The following HDAC9 variants were observed in gnomAD, a reference collection of about 807,000 sequenced individuals.
HDAC9 encodes the protein histone deacetylase 9, also known as MEF-2 interacting transcription repressor (MITR) protein.
A neutral mutation model predicts 139.4 loss-of-function variants in HDAC9; 41 were observed. The ratio of observed to expected loss-of-function variants is 0.29; its 90% CI spans 0.23 to 0.38. HDAC9 has a LOEUF of 0.38. Among genes scored for constraint, HDAC9 ranks in the 10% least tolerant of loss-of-function variants. The pLI is 1.00. For missense variants in HDAC9, 1,147 were observed against 1,297.0 expected (o/e 0.88, Z 1.78); for synonymous variants, 517 against 476.2 (o/e 1.09, Z -1.12).
At chr7:18,113,088 C>G (rs76702450) in intron 1 of HDAC9, among the ~76,000 whole-genome samples, 2,065 of 152,192 alleles carry the variant, frequency 0.014, 44 homozygotes, top group African/African-American at 0.047. Context: ...GGAAGGACCC[C>G]TATTCCTGTA....
chr7:18,425,625 A>G (rs924724774), intron 1 of HDAC9, among the ~76,000 whole-genome samples: 2 of 152,208 alleles, frequency 1.3e-5, no homozygotes, highest in Non-Finnish European at 2.9e-5. Flanking sequence ...AGTTAATACT[A>G]AATTACCAGT....
chr7:18,603,831 CAAT>C (rs552606133), intron 6 of HDAC9, among the ~76,000 whole-genome samples: 1 of 152,070 alleles, frequency 6.6e-6, no homozygotes, highest in Non-Finnish European at 1.5e-5. Flanking sequence ...GGCCTACAGG[CAAT>C]AAATGTCCTT....
At chr7:18,477,055 T>C (rs533392465) in intron 1 of HDAC9, among the ~76,000 whole-genome samples, 5 of 152,278 alleles carry the variant, frequency 3.3e-5, no homozygotes, top group Admixed American at 3.3e-4. Context: ...CTGAACACCC[T>C]CTCCTCAAAG....
chr7:18,734,316 G>T (rs900207159), intron 13 of HDAC9, among the ~76,000 whole-genome samples: 3 of 152,208 alleles, frequency 2.0e-5, no homozygotes, highest in East Asian at 1.9e-4. Context: ...TGCCATGTTG[G>T]TTTGCCGTAC....
intron 1 of HDAC9, among the ~76,000 whole-genome samples, chr7:18,149,505 A>T (rs1278580605): frequency 2.7e-5 from 4 of 150,418 alleles, no homozygotes; most frequent in African/African-American, 9.7e-5. Context: ...ACAGGCACGT[A>T]CCACCATGCA....
rs141483714 is a variant in HDAC9 at position 18,710,282 on chromosome 7, C to G, written c.1732-17298C>G. On this transcript the variant is annotated intron_variant, in intron 12 of 25. Coordinates refer to ENST00000686413, the MANE Select transcript of HDAC9 (RefSeq NM_178425.4). ...ATTCAAGGTGAGATTTGGGTGGGGA[C>G]ACAGCTAAACCATATCAGTCAGGGA... Among the ~76,000 whole-genome samples, 1,353 of 152,234 alleles carry G rather than the reference C, an allele frequency of 8.9e-3. 10 individuals are homozygous for G. The highest frequency in any genetic ancestry group is 0.017 in the Middle Eastern group (5 of 294).
intron 25 of HDAC9, among the ~76,000 whole-genome samples, chr7:18,990,081 G>A (rs1009796719): frequency 6.6e-6 from 1 of 152,144 alleles, no homozygotes; most frequent in Non-Finnish European, 1.5e-5. Context: ...GTCCAGCTTT[G>A]TTCCATTGCT....
At chr7:18,441,273 C>T (rs1429524074) in intron 1 of HDAC9, among the ~76,000 whole-genome samples, 1 of 152,088 alleles carries the variant, frequency 6.6e-6, no homozygotes, top group Non-Finnish European at 1.5e-5. Flanking sequence ...AAAAAGTATT[C>T]CATTGCTTCA....
intron 1 of HDAC9, among the ~76,000 whole-genome samples, chr7:18,362,504 A>G (rs1783859371): frequency 6.6e-6 from 1 of 152,208 alleles, no homozygotes; most frequent in African/African-American, 2.4e-5. Context: ...TATAAAAAAT[A>G]AATAGGTATA....
chr7:18,354,404 A>T (rs1783090996), intron 1 of HDAC9, among the ~76,000 whole-genome samples: 1 of 152,156 alleles, frequency 6.6e-6, no homozygotes, highest in Non-Finnish European at 1.5e-5. Context: ...AAATTAACAC[A>T]CTTTGCTATT....
chr7:18,104,514 G>T (rs1437399245), intron 1 of HDAC9, among the ~76,000 whole-genome samples: 2 of 152,150 alleles, frequency 1.3e-5, no homozygotes, highest in African/African-American at 2.4e-5. Flanking sequence ...GGAAAAGAGA[G>T]AATGCTAAGT....
At chr7:18,438,727 C>T (rs964131179) in intron 1 of HDAC9, among the ~76,000 whole-genome samples, 4 of 150,984 alleles carry the variant, frequency 2.6e-5, no homozygotes, top group Non-Finnish European at 4.4e-5. Flanking sequence ...TGTAAATGTT[C>T]AGAAAAAGGG....
At position 18,465,442 on chromosome 7, in the gene HDAC9, A is replaced by G. The variant is rs1794190288; in HGVS notation, c.-41-30820A>G. 2.6e-5 allele frequency among the ~76,000 whole-genome samples: 4 copies of G among 152,112 alleles called. No individual in the cohort carries two copies. In the South Asian group the frequency reaches 8.3e-4, roughly 31 times the overall value. ...TATATTCATTATTAAGAAAGAGGAA[A>G]TACATTAGAGAGTCTGATTTCTGTG... On this transcript the variant is annotated intron_variant, in intron 1 of 3. Coordinates refer to the HDAC9 transcript ENST00000413509.
Position 18,097,040 on chromosome 7 carries a change from C to T in HDAC9, c.-97+9827C>T, listed in dbSNP as rs141338458. 3.4e-4 allele frequency among the ~76,000 whole-genome samples: 52 copies of T among 152,194 alleles called. No individual in the cohort carries two copies. The East Asian group carries it at 8.3e-3, about 24-fold the overall frequency. Reference sequence around the variant, plus strand: ...GGAAATATTCTATGTCTATGCTCTGCAACATCATAGCCACTAGGCACATGT... The same window carrying T: ...GGAAATATTCTATGTCTATGCTCTGTAACATCATAGCCACTAGGCACATGT... On this transcript the variant is annotated intron_variant, in intron 1 of 12. Coordinates refer to the HDAC9 transcript ENST00000417496.
At chr7:18,095,018 G>A (rs1218512656) in intron 1 of HDAC9, among the ~76,000 whole-genome samples, 1 of 152,136 alleles carries the variant, frequency 6.6e-6, no homozygotes, top group African/African-American at 2.4e-5. Context: ...TGTGAGCAAT[G>A]AATTATCCAT....
At chr7:18,895,645 A>G (rs1176893946) in intron 22 of HDAC9, among the ~76,000 whole-genome samples, 1 of 152,134 alleles carries the variant, frequency 6.6e-6, no homozygotes, top group Admixed American at 6.6e-5. Context: ...ATGAAAGAAG[A>G]AAGTTTTGAC....
chr7:18,924,028 A>G (rs1302427090), intron 22 of HDAC9, among the ~76,000 whole-genome samples: 1 of 151,860 alleles, frequency 6.6e-6, no homozygotes, highest in Non-Finnish European at 1.5e-5. Flanking sequence ...ATCCATATTG[A>G]CAGGTTGAAT....
At chr7:18,303,339 T>C (rs1411580650) in intron 1 of HDAC9, among the ~76,000 whole-genome samples, 1 of 150,876 alleles carries the variant, frequency 6.6e-6, no homozygotes, top group African/African-American at 2.4e-5. Flanking sequence ...TCCGAGTGGC[T>C]GGGACTACAG....
At chr7:18,885,197 A>G (rs1294068182) in intron 22 of HDAC9, among the ~76,000 whole-genome samples, 1 of 152,256 alleles carries the variant, frequency 6.6e-6, no homozygotes, top group Non-Finnish European at 1.5e-5. Context: ...AGAAAACATC[A>G]TAATTCTGGC....
Sources: allele counts gnomAD v4.1 joint callset (sites outside exome capture counted in the v4.1 genomes callset), GRCh38; gene constraint gnomAD v4.1.1; transcripts MANE v1.5; gene names NCBI Gene and HGNC (gene_info 2026-07-23, HGNC 2026-07-21).